CCDC60: variants seen among roughly 807,000 people sequenced by gnomAD.
CCDC60 encodes coiled-coil domain containing 60.
CCDC60 carries 54 observed loss-of-function variants against 63.5 expected under a neutral mutation model. The ratio of observed to expected loss-of-function variants is 0.85; its 90% CI spans 0.68 to 1.07. CCDC60 has a LOEUF of 1.07. Among genes scored for constraint, CCDC60 ranks in the 50% least tolerant of loss-of-function variants. CCDC60 has a pLI of 0.00. For missense variants in CCDC60, 651 were observed against 684.3 expected (o/e 0.95, Z 0.54); for synonymous variants, 206 against 238.8 (o/e 0.86, Z 1.27).
intron 1 of CCDC60, among the ~76,000 whole-genome samples, chr12:119,347,287 G>T (rs1346349360): frequency 1.3e-5 from 2 of 152,118 alleles, no homozygotes; most frequent in Non-Finnish European, 2.9e-5. Context: ...GAGAGATGAG[G>T]CTCTGGGGTG....
intron 4 of CCDC60, among the ~76,000 whole-genome samples, chr12:119,488,445 A>G (rs1012009487): frequency 2.0e-5 from 3 of 152,080 alleles, no homozygotes; most frequent in Non-Finnish European, 4.4e-5. Context: ...TGCTATATAT[A>G]CAAATTCTCA....
intron 7 of CCDC60, among the ~76,000 whole-genome samples, chr12:119,512,001 AATT>A (rs1952225111): frequency 6.6e-6 from 1 of 152,210 alleles, no homozygotes; most frequent in Non-Finnish European, 1.5e-5. Context: ...CATGCCCACA[AATT>A]GAGAGCTGGA....
intron 2 of CCDC60, among the ~76,000 whole-genome samples, chr12:119,429,921 A>G (rs912309937): frequency 6.6e-6 from 1 of 152,192 alleles, no homozygotes. Flanking sequence ...GGTGAAAGTA[A>G]TTCTAATAAT....
chr12:119,366,276 A>T (rs1955839819), intron 1 of CCDC60, among the ~76,000 whole-genome samples: 2 of 152,212 alleles, frequency 1.3e-5, no homozygotes, highest in Non-Finnish European at 2.9e-5. Flanking sequence ...TGAGAAGTAT[A>T]CTAAATATAC....
At chr12:119,404,246 C>T (rs555914077) in intron 1 of CCDC60, among the ~76,000 whole-genome samples, 93 of 152,262 alleles carry the variant, frequency 6.1e-4, no homozygotes, top group African/African-American at 1.8e-3. Context: ...GCCAAGATCA[C>T]GCCACTGCAC....
chr12:119,540,641 CCT>C lies in CCDC60; in HGVS notation c.1581_1582del (p.Gln528ArgfsTer62). The C allele has an allele frequency of 1.2e-6, 2 of 1,613,980 alleles. No homozygotes were observed. Among genetic ancestry groups the C allele is most frequent in the Non-Finnish European group, 1.7e-6 (2 of 1,179,960 alleles). ...EFVREHIIHM[P>X]QEDYISWLQS... ...TGTGCGAGAACACATCATCCATATG[CCT>C]CAAGAGGATTACATCAGCTGGCTGC... On this transcript the variant is annotated frameshift_variant, in exon 14 of 14. Transcript: ENST00000327554. LOFTEE classifies it low-confidence loss of function (END_TRUNC).
intron 2 of CCDC60, among the ~76,000 whole-genome samples, chr12:119,464,206 A>G (rs1388323358): frequency 6.9e-6 from 1 of 144,022 alleles, no homozygotes; most frequent in African/African-American, 2.6e-5. Flanking sequence ...GGAGGACACA[A>G]CTGAATCCAT....
chr12:119,461,390 C>T (rs1377369823), intron 2 of CCDC60, among the ~76,000 whole-genome samples: 1 of 152,110 alleles, frequency 6.6e-6, no homozygotes, highest in Non-Finnish European at 1.5e-5. Flanking sequence ...CTAACACCTT[C>T]CCATCGCCCA....
intron 1 of CCDC60, among the ~76,000 whole-genome samples, chr12:119,418,969 G>C (rs978084169): frequency 6.6e-6 from 1 of 152,242 alleles, no homozygotes; most frequent in Non-Finnish European, 1.5e-5. Context: ...AGACTCTCCA[G>C]CTGTTGACAC....
chr12:119,412,756 G>GCC (rs1245148646), intron 1 of CCDC60, among the ~76,000 whole-genome samples: 4 of 109,648 alleles, frequency 3.6e-5, no homozygotes, highest in African/African-American at 1.0e-4. Context: ...GACAGGTAAA[G>GCC]CCCCCCACCC....
At chr12:119,394,710 A>G (rs1349808629) in intron 1 of CCDC60, among the ~76,000 whole-genome samples, 2 of 152,228 alleles carry the variant, frequency 1.3e-5, no homozygotes, top group African/African-American at 2.4e-5. Flanking sequence ...GCCACCTTCC[A>G]GCTGTTGCAT....
rs536542119 is a variant in CCDC60, at chr12:119,364,854, C to G, written c.90+29588C>G. Among the ~76,000 whole-genome samples, 4 of 152,140 alleles carry G rather than the reference C, an allele frequency of 2.6e-5. No individual in the cohort carries two copies. In the South Asian group the frequency reaches 8.3e-4, roughly 32 times the overall value. On this transcript the variant is annotated intron_variant, in intron 1 of 13. Transcript: ENST00000327554. Reference sequence around the variant, plus strand: ...AAACAGCAGGAAGACCTTGTTTTGTCCAGGGATTCAGGAAAAGCTCCCTGA... The same window carrying G: ...AAACAGCAGGAAGACCTTGTTTTGTGCAGGGATTCAGGAAAAGCTCCCTGA...
At chr12:119,441,966 A>C (rs188040773) in intron 2 of CCDC60, among the ~76,000 whole-genome samples, 11 of 152,338 alleles carry the variant, frequency 7.2e-5, no homozygotes, top group African/African-American at 2.6e-4. Context: ...AGATACTGCC[A>C]GTTTTCCAAG....
In CCDC60 at chr12:119,335,153, G is replaced by C; in HGVS notation, c.-24G>C. On this transcript the variant is annotated 5_prime_UTR_variant, in exon 1 of 14. Transcript: ENST00000327554. ...AAAAATCCTTGTCTTGGGGGCACAGGCTAAAACCTGAAGGATTTTTAAGAT... is the reference window on the plus strand; with the variant it reads ...AAAAATCCTTGTCTTGGGGGCACAGCCTAAAACCTGAAGGATTTTTAAGAT... 6.3e-7 allele frequency: 1 copy of C among 1,593,474 alleles called. No individual in the cohort carries two copies. The highest frequency in any genetic ancestry group is 8.6e-7 in the Non-Finnish European group (1 of 1,168,400).
At chr12:119,401,345 ACTGTCCATCCAT>A (rs1191030992) in intron 1 of CCDC60, among the ~76,000 whole-genome samples, 1 of 152,132 alleles carries the variant, frequency 6.6e-6, no homozygotes, top group Non-Finnish European at 1.5e-5. Flanking sequence ...CATCCATCCA[ACTGTCCATCCAT>A]CTGTCCATCC....
intron 1 of CCDC60, among the ~76,000 whole-genome samples, chr12:119,371,609 C>G (rs1421572575): frequency 6.6e-6 from 1 of 152,214 alleles, no homozygotes; most frequent in African/African-American, 2.4e-5. Context: ...CTGAGGTTTT[C>G]CCATTGGTGG....
At chr12:119,373,670 G>C (rs996485162) in intron 1 of CCDC60, among the ~76,000 whole-genome samples, 5 of 133,642 alleles carry the variant, frequency 3.7e-5, no homozygotes, top group Non-Finnish European at 6.4e-5. Context: ...GGTGGGGTGG[G>C]GGGGGGTCTC....
intron 1 of CCDC60, among the ~76,000 whole-genome samples, chr12:119,352,441 T>C (rs1344827245): frequency 6.6e-6 from 1 of 152,234 alleles, no homozygotes; most frequent in Non-Finnish European, 1.5e-5. Flanking sequence ...GAAGGTGTTA[T>C]CACCTCTTTT....
chr12:119,466,912 C>T (rs754808899), intron 2 of CCDC60, among the ~76,000 whole-genome samples: 14 of 152,220 alleles, frequency 9.2e-5, no homozygotes, highest in Non-Finnish European at 8.8e-5. Flanking sequence ...AGGGAAGAAG[C>T]ACCTTTCCAT....
Sources: allele counts gnomAD v4.1 joint callset (sites outside exome capture counted in the v4.1 genomes callset), GRCh38; gene constraint gnomAD v4.1.1; transcripts MANE v1.5; gene names NCBI Gene and HGNC (gene_info 2026-07-23, HGNC 2026-07-21).